Variants in KDM4D observed in about 807,000 individuals in gnomAD.
KDM4D encodes the protein lysine-specific demethylase 4D.
For synonymous variants in KDM4D, 254 were observed against 249.1 expected, an observed-to-expected ratio of 1.02 and a Z score of -0.19; for missense variants, 427 against 674.8, an observed-to-expected ratio of 0.63 and a Z score of 4.07.
In KDM4D at chr11:94,998,813, T is replaced by C. The variant is rs1417231359; in HGVS notation, c.1441T>C (p.Cys481Arg). 3.7e-6 allele frequency: 6 copies of C among 1,600,670 alleles called. No individual in the cohort carries two copies. Among genetic ancestry groups the C allele is most frequent in the Non-Finnish European group, 4.3e-6 (5 of 1,171,326 alleles). ...AKRPLLAGTT[C>R]TASGPEPEPL... ...GAGGCCCCTCTTGGCGGGCACAACATGCACAGCTTCGGGCCCAGAACCTGA... is the reference window on the plus strand; with the variant it reads ...GAGGCCCCTCTTGGCGGGCACAACACGCACAGCTTCGGGCCCAGAACCTGA... The change falls in exon 3 of 3, where the codon TGC becomes CGC. Residue 481 changes from cysteine to arginine, a missense_variant. Coordinates refer to ENST00000335080, the MANE Select transcript of KDM4D (RefSeq NM_018039.3). This position sits in a 1 kb window ranked among gnomAD's most constrained non-coding sequence, Gnocchi z 6.7.
intron 2 of KDM4D, among the ~76,000 whole-genome samples, chr11:94,978,021 G>A (rs587596834): frequency 1.3e-5 from 2 of 152,202 alleles, no homozygotes; most frequent in African/African-American, 2.4e-5. Flanking sequence ...CTGAAATCCC[G>A]ATTTCAAATG....
At chr11:94,974,291 C>T (rs150285053) in intron 1 of KDM4D, among the ~76,000 whole-genome samples, 41 of 152,148 alleles carry the variant, frequency 2.7e-4, no homozygotes, top group Middle Eastern at 6.8e-3. Flanking sequence ...AGTAGAAAAC[C>T]CGAAAACCAA....
Position 94,990,056 on chromosome 11 carries a change from G to C in KDM4D, c.-349-6968G>C, listed in dbSNP as rs976910939. ...TTACAGGCGTGAGCCACCATGCCCAGCCTTACCTTCCTTTTCTCATGCAGC... is the reference window on the plus strand; with the variant it reads ...TTACAGGCGTGAGCCACCATGCCCACCCTTACCTTCCTTTTCTCATGCAGC... On this transcript the variant is annotated intron_variant, in intron 2 of 2. Transcript: ENST00000335080. 3.3e-5 allele frequency among the ~76,000 whole-genome samples: 5 copies of C among 152,296 alleles called. No individual in the cohort carries two copies. In the South Asian group the frequency reaches 6.2e-4, roughly 19 times the overall value.
At position 94,998,400 on chromosome 11, in the gene KDM4D, C is replaced by T. The variant is rs1555099550; in HGVS notation, c.1028C>T (p.Ala343Val). 6.2e-7 allele frequency: 1 copy of T among 1,614,084 alleles called. No homozygotes were observed. Among genetic ancestry groups the T allele is most frequent in the Admixed American group, 1.7e-5 (1 of 60,028 alleles). ...YDLWKRGQDR[A>V]VVDHMEPRVP... is the part of the protein sequence containing the mutation. ...CTGTGGAAACGTGGGCAAGACCGGG[C>T]AGTTGTGGACCACATGGAGCCCAGG... is the stretch of plus-strand genomic sequence containing the variant. Residue 343 changes from alanine (A) to valine (V), a missense_variant, in exon 3 of 3, where the codon GCA becomes GTA. Physicochemically the swap from Ala to Val is moderately conservative, Grantham distance 64. Coordinates refer to ENST00000335080, the MANE Select transcript of KDM4D (RefSeq NM_018039.3). This position sits in a 1 kb window ranked among gnomAD's most constrained non-coding sequence, Gnocchi z 6.7.
intron 2 of KDM4D, among the ~76,000 whole-genome samples, chr11:94,986,517 G>A (rs1430540888): frequency 6.6e-6 from 1 of 152,088 alleles, no homozygotes; most frequent in Non-Finnish European, 1.5e-5. Context: ...GATTACCTGA[G>A]CCTGGAAGGT....
rs1342487034 is a variant in KDM4D at position 94,995,491 on chromosome 11, A to G, written c.-349-1533A>G. Among the ~76,000 whole-genome samples the G allele has an allele frequency of 3.3e-5, 5 of 152,220 alleles. No homozygotes were observed. The East Asian group carries it at 9.6e-4, about 29-fold the overall frequency. On this transcript the variant is annotated intron_variant, in intron 2 of 2. Coordinates refer to ENST00000335080, the MANE Select transcript of KDM4D (RefSeq NM_018039.3). ...TAAAGGAAGATGAACAGTCAAGTTC[A>G]TCTACTTGGGAAGGAGTGGAACTTA... is the stretch of plus-strand genomic sequence containing the variant.
At chr11:94,990,338 C>T (rs1018311004) in intron 2 of KDM4D, among the ~76,000 whole-genome samples, 10 of 152,026 alleles carry the variant, frequency 6.6e-5, no homozygotes, top group Non-Finnish European at 1.3e-4. Flanking sequence ...TAGAAGGAAC[C>T]CTGATGTAGG....
intron 2 of KDM4D, among the ~76,000 whole-genome samples, chr11:94,990,104 G>T (rs1857922704): frequency 6.6e-6 from 1 of 152,136 alleles, no homozygotes; most frequent in South Asian, 2.1e-4. Flanking sequence ...GTCTGTCAAA[G>T]CTTTTGGGTC....
Position 94,998,172 on chromosome 11 carries a change from A to T in KDM4D, c.800A>T (p.Glu267Val), listed in dbSNP as rs1857991169. 6.2e-7 allele frequency: 1 copy of T among 1,614,058 alleles called. No individual in the cohort carries two copies. Residue 267 changes from glutamate to valine, a missense_variant, in exon 3 of 3, where the codon GAG (glutamate) becomes GTG (valine). Physicochemically the swap from Glu to Val is moderately radical, Grantham distance 121. Coordinates refer to ENST00000335080, the MANE Select transcript of KDM4D (RefSeq NM_018039.3). The surrounding 1 kb of genome is among the most constrained non-coding windows in gnomAD (Gnocchi z 6.7). ...ATTCCCTTCAATCGCATAACTCAGG[A>T]GGCTGGAGAGTTCATGGTGACCTTT... ...NGIPFNRITQ[E>V]AGEFMVTFPY... is the part of the protein sequence containing the mutation.
rs183288475 is a variant in KDM4D, at chr11:94,986,070, C to A, written c.-350+10322C>A. On this transcript the variant is annotated intron_variant, in intron 2 of 2. Coordinates refer to ENST00000335080, the MANE Select transcript of KDM4D (RefSeq NM_018039.3). ...AGACGGGCTTCATCAAAATTCAATT[C>A]TTGTGCACTTCGAAAGACATAGTCA... Among the ~76,000 whole-genome samples the A allele has an allele frequency of 2.2e-4, 34 of 152,312 alleles. No homozygotes were observed. The East Asian group carries it at 6.6e-3, about 29-fold the overall frequency.
At chr11:94,982,133 T>G (rs1048378491) in intron 2 of KDM4D, among the ~76,000 whole-genome samples, 7 of 151,892 alleles carry the variant, frequency 4.6e-5, no homozygotes, top group Non-Finnish European at 1.0e-4. Flanking sequence ...TAGTTATCAT[T>G]TTGATATTAC....
At chr11:94,975,183 C>T (rs1336841784) in intron 1 of KDM4D, among the ~76,000 whole-genome samples, 3 of 152,202 alleles carry the variant, frequency 2.0e-5, no homozygotes, top group Non-Finnish European at 2.9e-5. Flanking sequence ...AACTGTATCA[C>T]CATCCTTCAT....
In KDM4D at chr11:94,988,171, A is replaced by G. The variant is rs78575636; in HGVS notation, c.-349-8853A>G. On this transcript the variant is annotated intron_variant, in intron 2 of 2. Transcript: ENST00000335080. ...AATATGCTAATACTGTTTAGAGAGT[A>G]AAGACAGATTACAAAAAGGAACAGA... 4.0e-3 allele frequency among the ~76,000 whole-genome samples: 611 copies of G among 152,366 alleles called. 8 individuals are homozygous for G. The highest frequency in any genetic ancestry group is 0.032 in the East Asian group (168 of 5,192).
rs782238555 is a variant in KDM4D at position 94,977,457 on chromosome 11, C to T, written c.-350+1709C>T. Among the ~76,000 whole-genome samples the T allele has an allele frequency of 3.2e-4, 49 of 152,140 alleles. 1 individual carries two copies. Among genetic ancestry groups the T allele is most frequent in the Non-Finnish European group, 7.4e-5 (5 of 68,024 alleles). ...CTTCATATTGTTGCTTGGACACGCA[C>T]ACAGCTGCTCCTGCTTTAGGGCCCT... On this transcript the variant is annotated intron_variant, in intron 2 of 2. Coordinates refer to ENST00000335080, the MANE Select transcript of KDM4D (RefSeq NM_018039.3).
At chr11:94,995,955 T>G (rs1450601875) in intron 2 of KDM4D, among the ~76,000 whole-genome samples, 1 of 152,164 alleles carries the variant, frequency 6.6e-6, no homozygotes, top group Non-Finnish European at 1.5e-5. Flanking sequence ...ATTCCTGTCA[T>G]GCTAGATTGG....
chr11:94,999,263 A>G lies in KDM4D; in HGVS notation c.*319A>G, dbSNP rs1858006912. On this transcript the variant is annotated 3_prime_UTR_variant, in exon 3 of 3. Coordinates refer to ENST00000335080, the MANE Select transcript of KDM4D (RefSeq NM_018039.3). ...TTAGCGTAACCTGGTATATGCAACT[A>G]CCATCCTCTGGGCCAACTGTGGAAG... 4.9e-6 allele frequency: 1 copy of G among 203,924 alleles called. No homozygotes were observed. Among genetic ancestry groups the G allele is most frequent in the East Asian group, 1.3e-4 (1 of 7,762 alleles). The allele number at this position is 203,924 out of a possible 1,614,324, so 12.6% of individuals were successfully genotyped here. A position where few individuals can be genotyped will look rare whatever the true frequency, so the allele number is the denominator to read the frequency against.
intron 2 of KDM4D, among the ~76,000 whole-genome samples, chr11:94,983,204 T>C (rs1343476750): frequency 6.6e-6 from 1 of 151,810 alleles, no homozygotes; most frequent in Non-Finnish European, 1.5e-5. Context: ...CCTTACATTG[T>C]AACTTAGCAT....
chr11:94,988,197 A>C (rs1180684247), intron 2 of KDM4D, among the ~76,000 whole-genome samples: 7 of 152,218 alleles, frequency 4.6e-5, no homozygotes, highest in East Asian at 3.8e-4. Flanking sequence ...AAGGAACAGA[A>C]AACAGGTTTT....
chr11:94,993,386 T>C (rs1244366533), intron 2 of KDM4D, among the ~76,000 whole-genome samples: 1 of 152,188 alleles, frequency 6.6e-6, no homozygotes, highest in Non-Finnish European at 1.5e-5. Context: ...CTGGTAGCTA[T>C]GGTTCCAGTT....
Sources: allele counts gnomAD v4.1 joint callset (sites outside exome capture counted in the v4.1 genomes callset), GRCh38; gene constraint gnomAD v4.1.1; non-coding constraint Gnocchi (gnomAD v3.1); transcripts MANE v1.5; gene names NCBI Gene and HGNC (gene_info 2026-07-23, HGNC 2026-07-21).